The following DIAPH3 variants were observed in gnomAD, a reference collection of about 807,000 sequenced individuals.
The protein encoded by DIAPH3 is protein diaphanous homolog 3.
Under a neutral mutation model 144.3 loss-of-function variants are expected in DIAPH3, and 117 were observed. The observed-to-expected ratio is 0.81, with a 90% confidence interval of 0.70 to 0.95. The LOEUF is 0.95. DIAPH3 is among the 40% of genes least tolerant of loss of function. The probability of loss-of-function intolerance (pLI) is 0.00; values close to 1 mark genes in which losing one functional copy is unlikely to be tolerated. For synonymous variants in DIAPH3, 519 were observed against 488.9 expected (o/e 1.06, Z -0.81); for missense variants, 1,421 against 1,412.7 (o/e 1.01, Z -0.09).
intron 22 of DIAPH3, among the ~76,000 whole-genome samples, chr13:59,857,911 G>A (rs1469744454): frequency 6.6e-6 from 1 of 151,868 alleles, no homozygotes; most frequent in African/African-American, 2.4e-5. Flanking sequence ...ACAAATGAGA[G>A]AAAAGATATC....
In DIAPH3 at chr13:59,890,131, TG is replaced by T. The variant is rs368223656; in HGVS notation, c.2368-10664del. ...CTGCTATCTGGCTAGTCTTGCTCAG[TG>T]TATGAACACTCCAGCTCCCAGGCAC... On this transcript the variant is annotated intron_variant, in intron 20 of 27. Transcript: ENST00000400324. 4.8e-3 allele frequency among the ~76,000 whole-genome samples: 727 copies of T among 152,192 alleles called. 3 individuals carry two copies. The highest frequency in any genetic ancestry group is 0.031 in the South Asian group (151 of 4,828).
intron 1 of DIAPH3, among the ~76,000 whole-genome samples, chr13:60,162,166 A>G (rs1341157998): frequency 1.3e-5 from 2 of 152,224 alleles, no homozygotes; most frequent in Admixed American, 1.3e-4. Flanking sequence ...GAGATGGTCA[A>G]TGTGACATAC....
intron 21 of DIAPH3, among the ~76,000 whole-genome samples, chr13:59,864,521 A>G (rs558604528): frequency 2.6e-5 from 4 of 152,182 alleles, no homozygotes; most frequent in South Asian, 2.1e-4. Flanking sequence ...GAGTATTCCA[A>G]TAGTATCTGT....
At chr13:59,906,628 A>G (rs1436320804) in intron 20 of DIAPH3, among the ~76,000 whole-genome samples, 1 of 152,196 alleles carries the variant, frequency 6.6e-6, no homozygotes, top group African/African-American at 2.4e-5. Context: ...AGTGACACCA[A>G]ATGGTGGTAG....
intron 27 of DIAPH3, among the ~76,000 whole-genome samples, chr13:59,709,643 A>G (rs1266212620): frequency 7.9e-5 from 12 of 152,178 alleles, no homozygotes; most frequent in Non-Finnish European, 1.3e-4. Context: ...TTACACTGTT[A>G]GTGGGACTGT....
intron 25 of DIAPH3, among the ~76,000 whole-genome samples, chr13:59,783,569 A>G (rs1245214150): frequency 6.6e-6 from 1 of 152,242 alleles, no homozygotes; most frequent in African/African-American, 2.4e-5. Context: ...AAAGAGTACA[A>G]GCATAGTAAA....
chr13:60,037,136 T>C (rs2055289314), intron 5 of DIAPH3, among the ~76,000 whole-genome samples: 1 of 59,996 alleles, frequency 1.7e-5, no homozygotes. Flanking sequence ...AGACGTTAAG[T>C]ATAATAACAA....
At chr13:60,150,240 G>T (rs1011637513) in intron 1 of DIAPH3, among the ~76,000 whole-genome samples, 1 of 152,050 alleles carries the variant, frequency 6.6e-6, no homozygotes, top group Non-Finnish European at 1.5e-5. Flanking sequence ...GCCCAGGCTG[G>T]TCGTGAATTC....
intron 14 of DIAPH3, among the ~76,000 whole-genome samples, chr13:59,977,139 G>T (rs1398055236): frequency 6.6e-6 from 1 of 151,636 alleles, no homozygotes; most frequent in Admixed American, 6.6e-5. Flanking sequence ...ACAGAATATG[G>T]TCAGTGTACT....
rs902168959 is a variant in DIAPH3, at chr13:60,004,348, A to C, written c.1014+4196T>G. Among the ~76,000 whole-genome samples the C allele has an allele frequency of 3.5e-4, 54 of 152,316 alleles. 1 individual carries two copies. The highest frequency in any genetic ancestry group is 7.4e-5 in the Non-Finnish European group (5 of 68,022). ...TTGTGGAAAATTCAGAAAGACAGAGAAATAGGTATTTTTAGATATTACTAC... is the reference window on the plus strand; with the variant it reads ...TTGTGGAAAATTCAGAAAGACAGAGCAATAGGTATTTTTAGATATTACTAC... On this transcript the variant is annotated intron_variant, in intron 9 of 27. Coordinates refer to ENST00000400324, the MANE Select transcript of DIAPH3 (RefSeq NM_001042517.2).
intron 17 of DIAPH3, among the ~76,000 whole-genome samples, chr13:59,937,885 T>C (rs1246068197): frequency 6.6e-6 from 1 of 151,964 alleles, no homozygotes; most frequent in Non-Finnish European, 1.5e-5. Context: ...TGTGCCAGGG[T>C]AGAAAAGAGG....
At chr13:59,865,860 C>G (rs1027231816) in intron 21 of DIAPH3, among the ~76,000 whole-genome samples, 2 of 151,982 alleles carry the variant, frequency 1.3e-5, no homozygotes, top group African/African-American at 2.4e-5. Flanking sequence ...AAAATAAAAA[C>G]TAAGCATCTT....
intron 1 of DIAPH3, among the ~76,000 whole-genome samples, chr13:60,146,175 A>G (rs1472989996): frequency 1.3e-5 from 2 of 152,246 alleles, no homozygotes; most frequent in East Asian, 1.9e-4. Flanking sequence ...AGTACTACGC[A>G]TAAGATGTAG....
chr13:59,965,835 A>C (rs1268812969), intron 17 of DIAPH3, among the ~76,000 whole-genome samples: 1 of 152,140 alleles, frequency 6.6e-6, no homozygotes, highest in Non-Finnish European at 1.5e-5. Context: ...TCATGCTGGT[A>C]TCCCCAATGT....
chr13:59,842,578 G>A (rs976485648), intron 22 of DIAPH3, among the ~76,000 whole-genome samples: 1 of 151,966 alleles, frequency 6.6e-6, no homozygotes, highest in African/African-American at 2.4e-5. Context: ...TTAGTGTCAG[G>A]CTGTACAGGT....
At chr13:59,741,891 T>G (rs1433049836) in intron 27 of DIAPH3, among the ~76,000 whole-genome samples, 1 of 152,138 alleles carries the variant, frequency 6.6e-6, no homozygotes, top group Admixed American at 6.5e-5. Flanking sequence ...AAAGACATAT[T>G]AACAACAGAA....
chr13:60,042,419 C>T (rs1292583552), intron 5 of DIAPH3, among the ~76,000 whole-genome samples: 2 of 152,092 alleles, frequency 1.3e-5, no homozygotes, highest in African/African-American at 4.8e-5. Context: ...AATAGTTTCT[C>T]ACATGACAAT....
chr13:59,821,406 T>C (rs555260210), intron 24 of DIAPH3, among the ~76,000 whole-genome samples: 10 of 152,184 alleles, frequency 6.6e-5, no homozygotes, highest in Admixed American at 3.9e-4. Flanking sequence ...TTAGGAATAA[T>C]TGGAAAACAT....
intron 7 of DIAPH3, among the ~76,000 whole-genome samples, chr13:60,012,501 C>G (rs988137236): frequency 5.9e-5 from 9 of 152,192 alleles, no homozygotes; most frequent in Non-Finnish European, 1.3e-4. Context: ...AGGGAATTGT[C>G]AGGTTTATAA....
Sources: allele counts gnomAD v4.1 joint callset (sites outside exome capture counted in the v4.1 genomes callset), GRCh38; gene constraint gnomAD v4.1.1; transcripts MANE v1.5; gene names NCBI Gene and HGNC (gene_info 2026-07-23, HGNC 2026-07-21).